AP3B1: variants seen among roughly 807,000 people sequenced by gnomAD.
The protein encoded by AP3B1 is adaptor related protein complex 3 subunit beta 1.
In AP3B1, 61 loss-of-function variants were observed where a neutral mutation model predicts 132.5. The ratio of observed to expected loss-of-function variants is 0.46; its 90% confidence interval spans 0.37 to 0.57. The LOEUF (loss-of-function observed/expected upper bound fraction) is 0.57. AP3B1 is among the 20% of genes least tolerant of loss of function. AP3B1 has a pLI of 0.00. For synonymous variants in AP3B1, 388 were observed against 438.3 expected (o/e 0.89, Z 1.43); for missense variants, 1,120 against 1,289.4 (o/e 0.87, Z 2.01).
At chr5:78,154,247 G>A (rs1381343106) in intron 14 of AP3B1, among the ~76,000 whole-genome samples, 1 of 152,090 alleles carries the variant, frequency 6.6e-6, no homozygotes, top group Non-Finnish European at 1.5e-5. Context: ...GGTAAAAGTT[G>A]TTTTCTTTTG....
intron 7 of AP3B1, among the ~76,000 whole-genome samples, chr5:78,209,729 A>T (rs1219049520): frequency 6.6e-6 from 1 of 152,198 alleles, no homozygotes; most frequent in African/African-American, 2.4e-5. Context: ...TTGAGCTCAC[A>T]CACAGAAGGG....
intron 26 of AP3B1, among the ~76,000 whole-genome samples, chr5:78,014,472 A>G (rs975152093): frequency 4.6e-5 from 7 of 152,194 alleles, no homozygotes; most frequent in African/African-American, 1.7e-4. Flanking sequence ...AAGATTACCA[A>G]GCCCATTAGT....
intron 1 of AP3B1, among the ~76,000 whole-genome samples, chr5:78,293,626 G>A (rs1167085072): frequency 6.6e-6 from 1 of 152,110 alleles, no homozygotes; most frequent in African/African-American, 2.4e-5. Flanking sequence ...AGACTATTAT[G>A]TGACCCTATT....
intron 17 of AP3B1, among the ~76,000 whole-genome samples, chr5:78,126,726 G>C (rs1188698314): frequency 6.6e-6 from 1 of 152,050 alleles, no homozygotes; most frequent in Non-Finnish European, 1.5e-5. Context: ...ATGGTGCTAA[G>C]TACTAAGGAT....
At chr5:78,270,801 C>T (rs745308708) in intron 1 of AP3B1, among the ~76,000 whole-genome samples, 7 of 152,160 alleles carry the variant, frequency 4.6e-5, no homozygotes, top group Non-Finnish European at 8.8e-5. Context: ...AGAACTTTGG[C>T]TCTTTCTGTT....
intron 11 of AP3B1, among the ~76,000 whole-genome samples, chr5:78,166,133 A>T (rs1382239326): frequency 5.5e-5 from 5 of 90,430 alleles, no homozygotes; most frequent in Non-Finnish European, 1.2e-4. Context: ...ACACACACAC[A>T]CACACACACA....
intron 20 of AP3B1, among the ~76,000 whole-genome samples, chr5:78,109,579 G>A (rs1053745330): frequency 2.0e-5 from 3 of 152,142 alleles, no homozygotes; most frequent in African/African-American, 2.4e-5. Context: ...GATAATTATC[G>A]TTAGGTCTGA....
chr5:78,211,865 G>C (rs1416142561), intron 7 of AP3B1, among the ~76,000 whole-genome samples: 1 of 152,172 alleles, frequency 6.6e-6, no homozygotes, highest in Admixed American at 6.5e-5. Context: ...TTATATTTCT[G>C]CTCCACCTTT....
chr5:78,096,149 G>T (rs914585238), intron 21 of AP3B1, among the ~76,000 whole-genome samples: 5 of 152,166 alleles, frequency 3.3e-5, no homozygotes, highest in Non-Finnish European at 7.4e-5. Context: ...TGCCTGCGAT[G>T]GCAGGCGCGC....
At chr5:78,052,420 A>G (rs1748622644) in intron 22 of AP3B1, among the ~76,000 whole-genome samples, 2 of 152,224 alleles carry the variant, frequency 1.3e-5, no homozygotes, top group Admixed American at 6.5e-5. Flanking sequence ...TTCACTAATA[A>G]TGACTTTCAC....
rs551007945 is a variant in AP3B1, at chr5:78,022,062, AG to A, written c.2895-1274del. Among the ~76,000 whole-genome samples the A allele has an allele frequency of 4.6e-5, 7 of 152,346 alleles. No homozygotes were observed. The East Asian group carries it at 1.3e-3, about 29-fold the overall frequency. On this transcript the variant is annotated intron_variant, in intron 24 of 26. Transcript: ENST00000255194. ...CAGACAAATGACATAATATAAAAAA[AG>A]AACATAAAATCGACTTTTATTTTAT...
chr5:78,020,205 AAAAG>A (rs1311228240), intron 25 of AP3B1, among the ~76,000 whole-genome samples: 1 of 152,150 alleles, frequency 6.6e-6, no homozygotes, highest in Non-Finnish European at 1.5e-5. Flanking sequence ...GAATTAGGTC[AAAAG>A]AAACTAGAAG....
At position 78,288,134 on chromosome 5, in the gene AP3B1, T is replaced by C. The variant is rs115991010; in HGVS notation, c.128+6318A>G. On this transcript the variant is annotated intron_variant, in intron 1 of 26. Transcript: ENST00000255194. ...CCTTAACATTTCAAAATTCCAGCAT[T>C]TCCATTTTCTTCAGTAAATCACTGT... Among the ~76,000 whole-genome samples, 591 of 152,316 alleles carry C rather than the reference T, an allele frequency of 3.9e-3. 1 individual carries two copies. The highest frequency in any genetic ancestry group is 5.9e-3 in the Non-Finnish European group (404 of 68,020).
At chr5:78,232,274 C>T (rs1326804089) in intron 3 of AP3B1, among the ~76,000 whole-genome samples, 1 of 152,178 alleles carries the variant, frequency 6.6e-6, no homozygotes, top group Non-Finnish European at 1.5e-5. Context: ...GCCTTGGCAA[C>T]ATGTAGCCAC....
At position 78,102,954 on chromosome 5, in the gene AP3B1, G is replaced by C. The variant is rs369809517; in HGVS notation, c.2398-1929C>G. 1.4e-3 allele frequency among the ~76,000 whole-genome samples: 206 copies of C among 152,174 alleles called. 7 individuals are homozygous for C. In the South Asian group the frequency reaches 0.042, roughly 31 times the overall value. ...AATCTCTTATTAGAAGCCTAGAACA[G>C]AGAGAAAAAAGGCTTTCAAAAGGAC... On this transcript the variant is annotated intron_variant, in intron 20 of 26. Transcript: ENST00000255194.
rs115603864 is a variant in AP3B1 at position 78,083,216 on chromosome 5, A to G, written c.2577+6177T>C. 9.7e-3 allele frequency among the ~76,000 whole-genome samples: 1,480 copies of G among 152,356 alleles called. 25 individuals are homozygous for G. The highest frequency in any genetic ancestry group is 0.032 in the African/African-American group (1,326 of 41,578). On this transcript the variant is annotated intron_variant, in intron 22 of 26. Transcript: ENST00000255194. ...AATAAATATATTTTCTTACACAACT[A>G]GTTTGATAAGAAACAAAAAACGCAA...
At chr5:78,121,673 T>A (rs1468870168) in intron 17 of AP3B1, 4 of 152,206 alleles carry the variant, frequency 2.6e-5, no homozygotes, top group African/African-American at 9.7e-5. Flanking sequence ...AATAGACCGA[T>A]AACAGGCTCT....
intron 26 of AP3B1, among the ~76,000 whole-genome samples, chr5:78,006,910 C>T (rs899176278): frequency 2.0e-5 from 3 of 151,750 alleles, no homozygotes; most frequent in African/African-American, 7.3e-5. Context: ...TTAAGATTTA[C>T]GAAAAAGACA....
chr5:78,235,058 G>T (rs552266817), intron 3 of AP3B1, among the ~76,000 whole-genome samples: 1 of 151,988 alleles, frequency 6.6e-6, no homozygotes, highest in African/African-American at 2.4e-5. Context: ...ATAGGGTCTC[G>T]CTCTGTTGCC....
Sources: gnomAD v4.1 joint callset for allele counts (sites outside exome capture counted in the v4.1 genomes callset) on GRCh38, gnomAD v4.1.1 for gene constraint, MANE v1.5 for transcripts, NCBI Gene and HGNC (gene_info 2026-07-23, HGNC 2026-07-21) for gene names.